The following ANKK1 variants were observed in gnomAD, a reference collection of about 807,000 sequenced individuals.
ANKK1 encodes ankyrin repeat and kinase domain containing 1.
Under a neutral mutation model 37.6 loss-of-function variants are expected in ANKK1, and 37 were observed. That is an observed-to-expected ratio of 0.98 (90% CI 0.76 to 1.29). ANKK1 has a LOEUF of 1.29. ANKK1 is among the 50% of genes most tolerant of loss of function. The pLI is 0.00. For missense variants in ANKK1, 1,019 were observed against 990.6 expected (o/e 1.03, Z -0.39); for synonymous variants, 415 against 418.7 (o/e 0.99, Z 0.11).
Position 113,387,801 on chromosome 11 carries a change from G to A in ANKK1, c.-84G>A, listed in dbSNP as rs988384194. The A allele has an allele frequency of 5.0e-6, 7 of 1,402,260 alleles. No homozygotes were observed. Among genetic ancestry groups the A allele is most frequent in the Admixed American group, 5.2e-5 (2 of 38,744 alleles). 86.9% of individuals were successfully genotyped at this position (1,402,260 alleles called of 1,614,324 possible). A position where few individuals can be genotyped will look rare whatever the true frequency, so the allele number is the denominator to read the frequency against. On this transcript the variant is annotated 5_prime_UTR_variant, in exon 1 of 8. Transcript: ENST00000303941. ...CCCATTCCCCTCTCCCGGACCCGAG[G>A]AGCAGGAAGCGGCGGCTCCTTCGGC... is the stretch of plus-strand genomic sequence containing the variant.
Position 113,399,267 on chromosome 11 carries a change from A to G in ANKK1, c.1298A>G (p.His433Arg), listed in dbSNP as rs1355651867. The change falls in exon 8 of 8, where the codon CAC (histidine) becomes CGC (arginine). Residue 433 changes from histidine (H) to arginine (R), a missense_variant. By Grantham distance (29) the His-to-Arg change is conservative. Transcript: ENST00000303941. The stretch of plus-strand genomic sequence containing the variant: ...GATGAGGATGGCTGGGCCCCACTGC[A>G]CTTTGCAGCCCAGAATGGGGATGAC... ...RVDEDGWAPLHFAAQNGDDGT... is the reference protein window; with the variant it reads ...RVDEDGWAPLRFAAQNGDDGT... 1 of 1,606,542 alleles carries G rather than the reference A, an allele frequency of 6.2e-7. No individual in the cohort carries two copies. Among genetic ancestry groups the G allele is most frequent in the Admixed American group, 1.7e-5 (1 of 59,172 alleles).
In ANKK1 at chr11:113,399,958, C is replaced by G; in HGVS notation, c.1989C>G (p.Leu663=). 1 of 1,613,634 alleles carries G rather than the reference C, an allele frequency of 6.2e-7. No homozygotes were observed. The highest frequency in any genetic ancestry group is 8.5e-7 in the Non-Finnish European group (1 of 1,179,894). The change falls in exon 8 of 8, where the codon CTC becomes CTG. Residue 663 remains leucine (L), a synonymous_variant. Coordinates refer to ENST00000303941, the MANE Select transcript of ANKK1 (RefSeq NM_178510.2). ...CAGAGCAGTCAGGCTGGACACCCCT[C>G]CACCTGGCGGTCCAGAGGAGCACCT... ...NAAEQSGWTP[L]HLAVQRSTFL... is the part of the protein sequence containing the mutation.
chr11:113,391,063 C>A (rs941971753), intron 1 of ANKK1, among the ~76,000 whole-genome samples: 17 of 152,094 alleles, frequency 1.1e-4, no homozygotes, highest in African/African-American at 4.1e-4. Context: ...TCTGTGAAAT[C>A]CATACTAATT....
rs111599946 is a variant in ANKK1 at position 113,398,672 on chromosome 11, G to A, written c.995-292G>A. Among the ~76,000 whole-genome samples the A allele has an allele frequency of 6.9e-3, 1,052 of 152,204 alleles. 9 individuals are homozygous for A. Among genetic ancestry groups the A allele is most frequent in the African/African-American group, 0.023 (945 of 41,518 alleles). On this transcript the variant is annotated intron_variant, in intron 7 of 7. Coordinates refer to ENST00000303941, the MANE Select transcript of ANKK1 (RefSeq NM_178510.2). Reference sequence around the variant, plus strand: ...AAGAGGCAGTGAATTGGCTAAGGTCGGGGGATGCTGAGGAGTGAAATCAGG... The same window carrying A: ...AAGAGGCAGTGAATTGGCTAAGGTCAGGGGATGCTGAGGAGTGAAATCAGG...
chr11:113,398,053 A>T (rs767700031), intron 7 of ANKK1, 37 bp downstream of exon 7: 4 of 1,558,878 alleles, frequency 2.6e-6, no homozygotes, highest in Non-Finnish European at 2.6e-6. Flanking sequence ...CAGAGAACTC[A>T]CAGCAGAGAA....
At chr11:113,389,593 GGCTCTA>G (rs1173570067) in intron 1 of ANKK1, among the ~76,000 whole-genome samples, 1 of 152,192 alleles carries the variant, frequency 6.6e-6, no homozygotes, top group Non-Finnish European at 1.5e-5. Context: ...GGAGATTTGT[GGCTCTA>G]GGAGAGCTCA....
intron 5 of ANKK1, 27 bp from the exon 6 acceptor site, chr11:113,397,197 C>T (rs1365430832): frequency 1.3e-6 from 2 of 1,587,448 alleles, no homozygotes; most frequent in Non-Finnish European, 8.6e-7. Context: ...TGCTTCCTTT[C>T]CTGTCTTTCT....
Position 113,393,565 on chromosome 11 carries a change from C to A in ANKK1, c.270C>A (p.Cys90Ter). 2 of 1,614,032 alleles carry A rather than the reference C, an allele frequency of 1.2e-6. No homozygotes were observed. Among genetic ancestry groups the A allele is most frequent in the Non-Finnish European group, 1.7e-6 (2 of 1,179,896 alleles). Residue 90 changes from cysteine (C) to a stop codon, truncating the protein, a stop_gained, in exon 2 of 8, where the codon TGC becomes TGA. Transcript: ENST00000303941. LOFTEE classifies it high-confidence loss of function. ...FQHIVSIYGV[C>*]KQPLGIVMEF... ...ACATCGTGTCTATCTACGGGGTGTG[C>A]AAGCAGCCCCTGGGTATTGTGATGG...
chr11:113,399,962 C>T lies in ANKK1; in HGVS notation c.1993C>T (p.Leu665=), dbSNP rs768363214. The part of the protein sequence containing the change: ...AEQSGWTPLH[L]AVQRSTFLSV... The stretch of plus-strand genomic sequence containing the variant: ...GCAGTCAGGCTGGACACCCCTCCAC[C>T]TGGCGGTCCAGAGGAGCACCTTCCT... Residue 665 remains leucine, a synonymous_variant, in exon 8 of 8, where the codon CTG becomes TTG. Coordinates refer to ENST00000303941, the MANE Select transcript of ANKK1 (RefSeq NM_178510.2). 1.9e-6 allele frequency: 3 copies of T among 1,613,654 alleles called. No individual in the cohort carries two copies. Among genetic ancestry groups the T allele is most frequent in the Non-Finnish European group, 2.5e-6 (3 of 1,179,886 alleles).
chr11:113,395,370 T>A lies in ANKK1; in HGVS notation c.644T>A (p.Val215Asp). The change falls in exon 4 of 8, where the codon GTC (valine) becomes GAC (aspartate). Residue 215 changes from valine (V) to aspartate (D), a missense_variant. Transcript: ENST00000303941. ...CTCTGCATCCACAGCTTTGCAATTGTCATCTGGGAGCTACTCACTCAGAAG... is the reference window on the plus strand; with the variant it reads ...CTCTGCATCCACAGCTTTGCAATTGACATCTGGGAGCTACTCACTCAGAAG... ...PKYDVYSFAI[V>D]IWELLTQKKP... 1 of 1,613,866 alleles carries A rather than the reference T, an allele frequency of 6.2e-7. No homozygotes were observed. The highest frequency in any genetic ancestry group is 1.1e-5 in the South Asian group (1 of 91,066).
rs1187410818 is a variant in ANKK1 at position 113,397,999 on chromosome 11, A to C, written c.977A>C (p.Gln326Pro). ...CCCCAGGTTAATGAGGACATCAGCC[A>C]GGAACTGATGGACAGTGGTGAGTCT... ...QPGEVNEDISQELMDSDSGNY... is the reference protein window; with the variant it reads ...QPGEVNEDISPELMDSDSGNY... The change falls in exon 7 of 8, where the codon CAG becomes CCG. Residue 326 changes from glutamine to proline, a missense_variant. Transcript: ENST00000303941. 10 of 1,564,674 alleles carry C rather than the reference A, an allele frequency of 6.4e-6. No individual in the cohort carries two copies. Among genetic ancestry groups the C allele is most frequent in the African/African-American group, 1.4e-5 (1 of 73,742 alleles).
chr11:113,392,095 G>A (rs1950591506), intron 1 of ANKK1, among the ~76,000 whole-genome samples: 1 of 152,196 alleles, frequency 6.6e-6, no homozygotes, highest in Non-Finnish European at 1.5e-5. Context: ...AGAGACAGCA[G>A]TAAATGCTCT....
chr11:113,392,054 C>G (rs939132010), intron 1 of ANKK1, among the ~76,000 whole-genome samples: 4 of 152,110 alleles, frequency 2.6e-5, no homozygotes, highest in Non-Finnish European at 5.9e-5. Context: ...AGAAACTAGA[C>G]AAAAGTGGGT....
Position 113,400,114 on chromosome 11 carries a change from C to G in ANKK1, c.2145C>G (p.Gly715=), listed in dbSNP as rs367992103. ...TCCTCAAAGTGCTGGTCGAGGCAGG[C>G]GCCCAGCTGGACGTCCAGGATGGAG... The part of the protein sequence containing the change: ...TAILKVLVEA[G]AQLDVQDGVS... The change falls in exon 8 of 8, where the codon GGC becomes GGG. Residue 715 remains glycine, a synonymous_variant. Coordinates refer to ENST00000303941, the MANE Select transcript of ANKK1 (RefSeq NM_178510.2). 1.2e-6 allele frequency: 2 copies of G among 1,612,314 alleles called. No homozygotes were observed. The highest frequency in any genetic ancestry group is 1.7e-6 in the Non-Finnish European group (2 of 1,179,436).
intron 1 of ANKK1, among the ~76,000 whole-genome samples, chr11:113,393,222 T>C (rs1263788765): frequency 6.6e-6 from 1 of 152,188 alleles, no homozygotes; most frequent in Non-Finnish European, 1.5e-5. Context: ...ACCTGCTTTT[T>C]TGTGGCCACC....
chr11:113,398,269 C>T (rs1368718548), intron 7 of ANKK1, among the ~76,000 whole-genome samples: 1 of 144,896 alleles, frequency 6.9e-6, no homozygotes, highest in African/African-American at 2.6e-5. Context: ...AAAGGTGGAG[C>T]ATTGGTTCTC....
Position 113,397,234 on chromosome 11 carries a change from C to A in ANKK1, c.849C>A (p.Ile283=). 1.2e-6 allele frequency: 2 copies of A among 1,608,300 alleles called. No homozygotes were observed. Among genetic ancestry groups the A allele is most frequent in the Non-Finnish European group, 1.7e-6 (2 of 1,179,688 alleles). The change falls in exon 6 of 8, where the codon ATC becomes ATA. Residue 283 remains isoleucine, a synonymous_variant. Transcript: ENST00000303941. ...CCACTCATGGAGCAGACATTACCATCGAGACAGACATACTGCTGTCACTGC... is the reference window on the plus strand; with the variant it reads ...CCACTCATGGAGCAGACATTACCATAGAGACAGACATACTGCTGTCACTGC... ...KKRPCFLDIT[I]ETDILLSLLQ...
chr11:113,396,732 G>C (rs527816093), intron 5 of ANKK1, among the ~76,000 whole-genome samples: 18 of 152,312 alleles, frequency 1.2e-4, no homozygotes, highest in African/African-American at 4.3e-4. Flanking sequence ...TGGGCTCTGT[G>C]TGTGTTAATG....
chr11:113,395,402 T>C lies in ANKK1; in HGVS notation c.676T>C (p.Tyr226His). 4.3e-6 allele frequency: 7 copies of C among 1,613,756 alleles called. No homozygotes were observed. The highest frequency in any genetic ancestry group is 5.9e-6 in the Non-Finnish European group (7 of 1,179,808). Residue 226 changes from tyrosine (Y) to histidine (H), a missense_variant, in exon 4 of 8, where the codon TAC (tyrosine) becomes CAC (histidine). By Grantham distance (83) the Tyr-to-His change is moderately conservative (BLOSUM62 2). Coordinates refer to ENST00000303941, the MANE Select transcript of ANKK1 (RefSeq NM_178510.2). ...IWELLTQKKP[Y>H]SGFNMMMIII... ...GGAGCTACTCACTCAGAAGAAACCATACTCAGGTAAGCAGGCGGCTGTGGC... is the reference window on the plus strand; with the variant it reads ...GGAGCTACTCACTCAGAAGAAACCACACTCAGGTAAGCAGGCGGCTGTGGC...
Sources: gnomAD v4.1 joint callset for allele counts (sites outside exome capture counted in the v4.1 genomes callset) on GRCh38, gnomAD v4.1.1 for gene constraint, MANE v1.5 for transcripts, NCBI Gene and HGNC (gene_info 2026-07-23, HGNC 2026-07-21) for gene names.